The following HRK variants were observed in gnomAD, a reference collection of about 807,000 sequenced individuals.
The protein encoded by HRK is activator of apoptosis harakiri.
A neutral mutation model predicts 5.9 loss-of-function variants in HRK; 6 were observed. That is an observed-to-expected ratio of 1.02 (90% CI 0.56 to 2.01). HRK has a LOEUF of 2.01. Among genes scored for constraint, HRK ranks in the 30% most tolerant of loss-of-function variants. The pLI is 0.00. For synonymous variants in HRK, 85 were observed against 65.1 expected (o/e 1.31, Z -1.47); for missense variants, 133 against 128.3 (o/e 1.04, Z -0.18).
At position 116,860,490 on chromosome 12, in the gene HRK, G is replaced by A. The variant is rs1286023069; in HGVS notation, c.*1033C>T. On this transcript the variant is annotated 3_prime_UTR_variant, in exon 2 of 2. Transcript: ENST00000257572. ...AACCCTGAAATCCCCTTGGGGAGTG[G>A]AGGAGGCTGTGGGCTGAACTCCGAG... 1 of 152,134 alleles carries A rather than the reference G, an allele frequency of 6.6e-6. No homozygotes were observed. Among genetic ancestry groups the A allele is most frequent in the Admixed American group, 6.5e-5 (1 of 15,274 alleles). The allele number at this position is 152,134 out of a possible 1,614,324, so 9.4% of individuals were successfully genotyped here.
At position 116,859,330 on chromosome 12, in the gene HRK, G is replaced by A. The variant is rs1447213872; in HGVS notation, c.*2193C>T. On this transcript the variant is annotated 3_prime_UTR_variant, in exon 2 of 2. Transcript: ENST00000257572. The stretch of plus-strand genomic sequence containing the variant: ...AGCATGCCCCCACTACGATCTTGAA[G>A]GTACAGCCTTAAAGAAGCAGAGAAC... 1.3e-5 allele frequency: 2 copies of A among 152,170 alleles called. No homozygotes were observed. Among genetic ancestry groups the A allele is most frequent in the African/African-American group, 4.8e-5 (2 of 41,438 alleles). The allele number at this position is 152,170 out of a possible 1,614,324, so 9.4% of individuals were successfully genotyped here.
Position 116,858,125 on chromosome 12 carries a change from A to AAAAC in HRK, c.*3397_*3398insGTTT, listed in dbSNP as rs1878217553. 3 of 150,814 alleles carry AAAAC rather than the reference A, an allele frequency of 2.0e-5. No homozygotes were observed. In the South Asian group the frequency reaches 6.3e-4, roughly 32 times the overall value. 9.3% of individuals were successfully genotyped at this position (150,814 alleles called of 1,614,324 possible). A position where few individuals can be genotyped will look rare whatever the true frequency, so the allele number is the denominator to read the frequency against. On this transcript the variant is annotated 3_prime_UTR_variant, in exon 2 of 2. Transcript: ENST00000257572. ...ATCCAAATGAAGGCGGCTAAAAAAAAAAAAAAAAAACGAACAAAAAAACAG... is the reference window on the plus strand; with the variant it reads ...ATCCAAATGAAGGCGGCTAAAAAAAAAAACAAAAAAAAAACGAACAAAAAAACAG...
At chr12:116,867,671 A>C (rs1445203995) in intron 1 of HRK, 1 of 152,202 alleles carries the variant, frequency 6.6e-6, no homozygotes, top group East Asian at 1.9e-4. Flanking sequence ...AACAATGCAA[A>C]TGTTCCCAAG....
intron 1 of HRK, among the ~76,000 whole-genome samples, chr12:116,868,690 GT>G (rs1428053789): frequency 1.3e-5 from 2 of 152,228 alleles, no homozygotes; most frequent in African/African-American, 4.8e-5. Flanking sequence ...TCACCAGTTA[GT>G]GAATGTCACC....
At chr12:116,864,012 C>T (rs1878452874) in intron 1 of HRK, among the ~76,000 whole-genome samples, 1 of 152,140 alleles carries the variant, frequency 6.6e-6, no homozygotes, top group South Asian at 2.1e-4. Flanking sequence ...AATTCCCCTT[C>T]TATCTCACGA....
Position 116,862,708 on chromosome 12 carries a change from TTTTGTTTG to T in HRK, c.*57-1250_*57-1243del, listed in dbSNP as rs141619738. Among the ~76,000 whole-genome samples the T allele has an allele frequency of 0.051, 7,705 of 150,866 alleles. 268 individuals are homozygous for T. The highest frequency in any genetic ancestry group is 0.071 in the Non-Finnish European group (4,808 of 67,772). ...TTGTACACCTTAAAAAGGTAGGGTT[TTTTGTTTG>T]TTTGTTTGTTTGTTTGTTTGTTTGT... On this transcript the variant is annotated intron_variant, in intron 1 of 1. Transcript: ENST00000257572. This position sits in a 1 kb window ranked among gnomAD's most constrained non-coding sequence, Gnocchi z 4.0.
intron 1 of HRK, among the ~76,000 whole-genome samples, chr12:116,868,486 C>T (rs1361770686): frequency 6.6e-6 from 1 of 152,178 alleles, no homozygotes; most frequent in African/African-American, 2.4e-5. Context: ...TCTCTAATGT[C>T]GTGTCTGGCT....
chr12:116,875,415 T>C (rs1311205087), intron 1 of HRK, among the ~76,000 whole-genome samples: 1 of 152,228 alleles, frequency 6.6e-6, no homozygotes, highest in Non-Finnish European at 1.5e-5. Context: ...AGGGAACTCT[T>C]ATGTCTTGGT....
chr12:116,866,157 CA>C (rs10682657), intron 1 of HRK, among the ~76,000 whole-genome samples: 16 of 92,122 alleles, frequency 1.7e-4, no homozygotes, highest in South Asian at 4.4e-4. Flanking sequence ...GATTCCATCT[CA>C]AAAAAAAAAA....
intron 1 of HRK, among the ~76,000 whole-genome samples, chr12:116,863,178 A>ATGGC (rs1478093315): frequency 6.6e-6 from 1 of 152,224 alleles, no homozygotes; most frequent in Non-Finnish European, 1.5e-5. Context: ...AAGGGAGATC[A>ATGGC]CTTTATGGCT....
Position 116,881,185 on chromosome 12 carries a change from G to A in HRK, c.123C>T (p.Gly41=), listed in dbSNP as rs1282075209. The A allele has an allele frequency of 8.7e-7, 1 of 1,155,278 alleles. No homozygotes were observed. Among genetic ancestry groups the A allele is most frequent in the Admixed American group, 4.8e-5 (1 of 21,026 alleles). 71.6% of individuals were successfully genotyped at this position (1,155,278 alleles called of 1,614,324 possible). Residue 41 remains glycine, a synonymous_variant, in exon 1 of 2, where the codon GGC becomes GGT. Transcript: ENST00000257572. ...QLTAARLKAL[G]DELHQRTMWR... ...ACATGGTGCGCTGGTGCAGCTCGTC[G>A]CCTAGCGCCTTGAGCCGGGCGGCGG...
chr12:116,879,144 A>G lies in HRK; in HGVS notation c.*56+1832T>C, dbSNP rs1216722303. 1 of 152,260 alleles carries G rather than the reference A, an allele frequency of 6.6e-6. No homozygotes were observed. Among genetic ancestry groups the G allele is most frequent in the Non-Finnish European group, 1.5e-5 (1 of 68,162 alleles). 9.4% of individuals were successfully genotyped at this position (152,260 alleles called of 1,614,324 possible). A position where few individuals can be genotyped will look rare whatever the true frequency, so the allele number is the denominator to read the frequency against. ...CGGCCTCCCGGGAGGGGCACCCGAC[A>G]TCCCGCACGCCTGGTGCCGGAAGGG... On this transcript the variant is annotated intron_variant, in intron 1 of 1. Transcript: ENST00000257572. The surrounding 1 kb of genome is among the most constrained non-coding windows in gnomAD (Gnocchi z 5.6).
chr12:116,880,124 T>C (rs1373590066), intron 1 of HRK, among the ~76,000 whole-genome samples: 3 of 151,596 alleles, frequency 2.0e-5, no homozygotes, highest in Non-Finnish European at 2.9e-5. Flanking sequence ...AGGTGCTCAG[T>C]ACCCACTTCC....
intron 1 of HRK, among the ~76,000 whole-genome samples, chr12:116,876,505 A>ACGTC (rs1426851925): frequency 6.6e-6 from 1 of 152,106 alleles, no homozygotes; most frequent in African/African-American, 2.4e-5. Context: ...GCCACTGACC[A>ACGTC]CGTCGCCTTA....
chr12:116,880,950 C>T lies in HRK; in HGVS notation c.*56+26G>A, dbSNP rs28489658. 6,170 of 1,095,900 alleles carry T rather than the reference C, an allele frequency of 5.6e-3. 269 individuals carry two copies. In the African/African-American group the frequency reaches 0.092, roughly 16 times the overall value. The allele number at this position is 1,095,900 out of a possible 1,614,324, so 67.9% of individuals were successfully genotyped here. A position where few individuals can be genotyped will look rare whatever the true frequency, so the allele number is the denominator to read the frequency against. On this transcript the variant is annotated intron_variant, in intron 1 of 1. Coordinates refer to ENST00000257572, the MANE Select transcript of HRK (RefSeq NM_003806.4). ...TCTCCAGTGCCCAGCTGCCGCGCCC[C>T]GGCTCTCGCTCGCTCGCTCGCGTAC...
rs929706462 is a variant in HRK, at chr12:116,881,338, G to T, written c.-31C>A. 2.2e-4 allele frequency: 234 copies of T among 1,056,130 alleles called. 1 individual carries two copies. Among genetic ancestry groups the T allele is most frequent in the Non-Finnish European group, 2.5e-4 (222 of 877,428 alleles). The allele number at this position is 1,056,130 out of a possible 1,614,324, so 65.4% of individuals were successfully genotyped here. A position where few individuals can be genotyped will look rare whatever the true frequency, so the allele number is the denominator to read the frequency against. On this transcript the variant is annotated 5_prime_UTR_variant, in exon 1 of 2. Coordinates refer to ENST00000257572, the MANE Select transcript of HRK (RefSeq NM_003806.4). The stretch of plus-strand genomic sequence containing the variant: ...CTGGCCTCGCTCCCGCCCCGCGCTC[G>T]GGCCGCCCCTCGCCTCCTCTCCCTC...
In HRK at chr12:116,880,970, G is replaced by C; in HGVS notation, c.*56+6C>G. 5.0e-6 allele frequency: 6 copies of C among 1,202,030 alleles called. No homozygotes were observed. The highest frequency in any genetic ancestry group is 2.5e-5 in the South Asian group (1 of 39,932). 74.5% of individuals were successfully genotyped at this position (1,202,030 alleles called of 1,614,324 possible). ...CGCCCCGGCTCTCGCTCGCTCGCTC[G>C]CGTACCTGTTGCTCGCTCCGGCTGG... On this transcript the variant is annotated splice_donor_region_variant and intron_variant, in intron 1 of 1. Transcript: ENST00000257572.
chr12:116,866,846 C>CA (rs1878566152), intron 1 of HRK, among the ~76,000 whole-genome samples: 1 of 152,118 alleles, frequency 6.6e-6, no homozygotes, highest in Non-Finnish European at 1.5e-5. Flanking sequence ...AACAAACAAA[C>CA]AAAAAATACA....
rs990786387 is a variant in HRK, at chr12:116,881,108, G to C, written c.200C>G (p.Thr67Ser). 4.0e-6 allele frequency: 5 copies of C among 1,241,654 alleles called. No individual in the cohort carries two copies. 76.9% of individuals were successfully genotyped at this position (1,241,654 alleles called of 1,614,324 possible). ...RRAPAPGALP[T>S]YWPWLCAAAQ... The stretch of plus-strand genomic sequence containing the variant: ...GGCCGCGCACAGCCAAGGCCAGTAG[G>C]TGGGGAGCGCGCCGGGCGCCGGCGC... The change falls in exon 1 of 2, where the codon ACC becomes AGC. Residue 67 changes from threonine to serine, a missense_variant. Coordinates refer to ENST00000257572, the MANE Select transcript of HRK (RefSeq NM_003806.4).
Sources: gnomAD v4.1 joint callset for allele counts (sites outside exome capture counted in the v4.1 genomes callset) on GRCh38, gnomAD v4.1.1 for gene constraint, Gnocchi (gnomAD v3.1) non-coding constraint, MANE v1.5 for transcripts, NCBI Gene and HGNC (gene_info 2026-07-23, HGNC 2026-07-21) for gene names.